The following USP40 variants were observed in gnomAD, a reference collection of about 807,000 sequenced individuals.
The protein encoded by USP40 is ubiquitin carboxyl-terminal hydrolase 40.
Under a neutral mutation model 166.2 loss-of-function variants are expected in USP40, and 143 were observed. The observed-to-expected ratio is 0.86, with a 90% CI of 0.75 to 0.99. USP40 has a LOEUF of 0.99. Ranked by LOEUF, USP40 falls within the 50% of genes least tolerant of loss-of-function variation. The pLI is 0.00. For missense variants in USP40, 1,444 were observed against 1,479.7 expected (o/e 0.98, Z 0.40); for synonymous variants, 498 against 524.0 (o/e 0.95, Z 0.68).
At chr2:233,495,775 A>G (rs999332538) in intron 24 of USP40, among the ~76,000 whole-genome samples, 4 of 152,210 alleles carry the variant, frequency 2.6e-5, no homozygotes, top group African/African-American at 4.8e-5. Flanking sequence ...CCAGCTTTTC[A>G]TAACACCTGG....
Position 233,486,126 on chromosome 2 carries a change from C to A in USP40, c.3198-149G>T, listed in dbSNP as rs1174183315. ...CTAAATGCTGGATGCTAGTGGCAAACTCTTATTCCGCATTTCAATTTCCTT... is the reference window on the plus strand; with the variant it reads ...CTAAATGCTGGATGCTAGTGGCAAAATCTTATTCCGCATTTCAATTTCCTT... On this transcript the variant is annotated intron_variant, in intron 28 of 31. Coordinates refer to ENST00000678225, the MANE Select transcript of USP40 (RefSeq NM_001365479.2). This position sits in a 1 kb window ranked among gnomAD's most constrained non-coding sequence, Gnocchi z 4.0. The A allele has an allele frequency of 2.4e-5, 20 of 839,412 alleles. No homozygotes were observed. Among genetic ancestry groups the A allele is most frequent in the Non-Finnish European group, 3.3e-5 (18 of 551,938 alleles). 52.0% of individuals were successfully genotyped at this position (839,412 alleles called of 1,614,324 possible).
rs1265281876 is a variant in USP40 at position 233,476,976 on chromosome 2, G to A, written c.*416C>T. On this transcript the variant is annotated 3_prime_UTR_variant, in exon 32 of 32. Transcript: ENST00000678225. ...GACACTGTGAGAAGCCGGTCAGGGC[G>A]AACGAGAGTCATCTGAACACGGAGG... 1.9e-5 allele frequency: 6 copies of A among 319,894 alleles called. No individual in the cohort carries two copies. Among genetic ancestry groups the A allele is most frequent in the East Asian group, 1.8e-4 (2 of 11,426 alleles). The allele number at this position is 319,894 out of a possible 1,614,324, so 19.8% of individuals were successfully genotyped here.
Position 233,559,888 on chromosome 2 carries a change from C to T in USP40, c.304G>A (p.Ala102Thr). Residue 102 changes from alanine (A) to threonine (T), a missense_variant, in exon 4 of 32, where the codon GCT becomes ACT. By Grantham distance (58) the Ala-to-Thr change is moderately conservative. Transcript: ENST00000678225. Reference protein sequence around the residue: ...IIPLQLQRLFAQLLLLDQEAA... With the variant: ...IIPLQLQRLFTQLLLLDQEAA... ...TCCTGGTCTAAGAGCAGAAGCTGAG[C>T]AAACAAGCGCTGTAACTGTAAAGGG... is the stretch of plus-strand genomic sequence containing the variant. 1.2e-6 allele frequency: 2 copies of T among 1,609,252 alleles called. No homozygotes were observed. The highest frequency in any genetic ancestry group is 1.7e-6 in the Non-Finnish European group (2 of 1,177,822).
chr2:233,490,287 C>T (rs534885834), intron 26 of USP40, among the ~76,000 whole-genome samples: 26 of 151,396 alleles, frequency 1.7e-4, no homozygotes, highest in Admixed American at 4.0e-4. Context: ...CCTCAGCCTC[C>T]GAGTAGCTGG....
intron 23 of USP40, among the ~76,000 whole-genome samples, chr2:233,497,294 C>G (rs1476317898): frequency 3.3e-5 from 5 of 152,144 alleles, no homozygotes; most frequent in African/African-American, 1.2e-4. Flanking sequence ...GAAGGGCAGG[C>G]ACTAACCACA....
chr2:233,530,434 A>C (rs1231644814), intron 11 of USP40, among the ~76,000 whole-genome samples: 2 of 152,246 alleles, frequency 1.3e-5, no homozygotes, highest in Non-Finnish European at 2.9e-5. Context: ...AAATAGTAGG[A>C]ACAATAAACA....
intron 27 of USP40, among the ~76,000 whole-genome samples, chr2:233,488,713 C>T (rs545462033): frequency 5.9e-5 from 9 of 152,190 alleles, no homozygotes; most frequent in South Asian, 2.1e-4. Flanking sequence ...TAGGAGTTCG[C>T]GACCAGACTG....
At chr2:233,524,813 C>T (rs1156612422) in intron 14 of USP40, among the ~76,000 whole-genome samples, 1 of 152,152 alleles carries the variant, frequency 6.6e-6, no homozygotes, top group Non-Finnish European at 1.5e-5. Flanking sequence ...AGGCACATGA[C>T]ATTGGAAACA....
intron 6 of USP40, among the ~76,000 whole-genome samples, chr2:233,551,934 G>T (rs954307943): frequency 6.6e-6 from 1 of 152,048 alleles, no homozygotes; most frequent in Non-Finnish European, 1.5e-5. Context: ...GATCTGAAAT[G>T]ATACAAAAAT....
chr2:233,549,118 C>T lies in USP40; in HGVS notation c.949G>A (p.Gly317Arg). ...HVYIKDVDHL[G>R]NWQFQEEKSK... ...ATACGTACTTGAAACTGCCAGTTTC[C>T]CAAATGATCAACATCTTTAATATAT... The change falls in exon 8 of 32, where the codon GGA (glycine) becomes AGA (arginine). Residue 317 changes from glycine to arginine, a missense_variant. Physicochemically the swap from Gly to Arg is moderately radical, Grantham distance 125 (BLOSUM62 -2). Coordinates refer to ENST00000678225, the MANE Select transcript of USP40 (RefSeq NM_001365479.2). 1 of 1,597,340 alleles carries T rather than the reference C, an allele frequency of 6.3e-7. No individual in the cohort carries two copies.
At chr2:233,535,142 G>A (rs1237308641) in intron 10 of USP40, among the ~76,000 whole-genome samples, 1 of 152,066 alleles carries the variant, frequency 6.6e-6, no homozygotes, top group Non-Finnish European at 1.5e-5. Flanking sequence ...CCAGAGAGGC[G>A]AGATCCCACG....
chr2:233,553,116 G>A (rs894229248), intron 6 of USP40, among the ~76,000 whole-genome samples: 4 of 151,994 alleles, frequency 2.6e-5, no homozygotes, highest in African/African-American at 9.7e-5. Context: ...CCAGGCCACA[G>A]GAAATGGTAT....
At chr2:233,482,532 A>C (rs1455930328) in intron 30 of USP40, among the ~76,000 whole-genome samples, 1 of 151,430 alleles carries the variant, frequency 6.6e-6, no homozygotes, top group African/African-American at 2.4e-5. Flanking sequence ...TACTAAACTA[A>C]CACCAAACTG....
At chr2:233,496,643 C>T in intron 24 of USP40, 115 bp downstream of exon 24, 1 of 637,554 alleles carries the variant, frequency 1.6e-6, no homozygotes, top group East Asian at 3.0e-5. Context: ...GAAAGTTCTC[C>T]CTTCTCTTTA....
intron 12 of USP40, among the ~76,000 whole-genome samples, chr2:233,528,947 T>C (rs971953242): frequency 2.0e-5 from 3 of 152,208 alleles, no homozygotes; most frequent in Non-Finnish European, 4.4e-5. Flanking sequence ...GAATCCATCA[T>C]AGGCTTTCCC....
intron 31 of USP40, among the ~76,000 whole-genome samples, chr2:233,478,545 T>C (rs1056789985): frequency 1.3e-5 from 2 of 152,246 alleles, no homozygotes; most frequent in Admixed American, 6.5e-5. Context: ...GCAGATAATG[T>C]TTACAGCCAT....
chr2:233,564,120 C>A (rs1326087103), intron 2 of USP40, among the ~76,000 whole-genome samples: 1 of 152,088 alleles, frequency 6.6e-6, no homozygotes, highest in Non-Finnish European at 1.5e-5. Flanking sequence ...CCACTTAAAT[C>A]CCACATGCAA....
intron 18 of USP40, among the ~76,000 whole-genome samples, chr2:233,517,380 TTTTTTG>T (rs1254285927): frequency 8.9e-6 from 1 of 112,652 alleles, no homozygotes; most frequent in African/African-American, 3.6e-5. Flanking sequence ...ACATGCATGG[TTTTTTG>T]TTTTTTTTTT....
Position 233,477,300 on chromosome 2 carries a change from G to A in USP40, c.*92C>T, listed in dbSNP as rs1175254753. 1 of 1,178,798 alleles carries A rather than the reference G, an allele frequency of 8.5e-7. No homozygotes were observed. The highest frequency in any genetic ancestry group is 1.2e-6 in the Non-Finnish European group (1 of 817,816). 73.0% of individuals were successfully genotyped at this position (1,178,798 alleles called of 1,614,324 possible). A position where few individuals can be genotyped will look rare whatever the true frequency, so the allele number is the denominator to read the frequency against. ...AGGAAGCAGAGGATTTGGGATTGGA[G>A]GCGCCAGGCAGCCAGTCCCCATGCC... On this transcript the variant is annotated 3_prime_UTR_variant, in exon 32 of 32. Transcript: ENST00000678225.
Sources: gnomAD v4.1 joint callset for allele counts (sites outside exome capture counted in the v4.1 genomes callset) on GRCh38, gnomAD v4.1.1 for gene constraint, Gnocchi (gnomAD v3.1) non-coding constraint, MANE v1.5 for transcripts, NCBI Gene and HGNC (gene_info 2026-07-23, HGNC 2026-07-21) for gene names.